The following PAIP2B variants were observed in gnomAD, a reference collection of about 807,000 sequenced individuals.
PAIP2B encodes polyadenylate-binding protein-interacting protein 2B.
In PAIP2B, 13 loss-of-function variants were observed where a neutral mutation model predicts 17.0. The observed-to-expected ratio is 0.76, with a 90% CI of 0.50 to 1.22. PAIP2B has a LOEUF of 1.22. Among genes scored for constraint, PAIP2B ranks in the 50% most tolerant of loss-of-function variants. The pLI is 0.00. For synonymous variants in PAIP2B, 43 were observed against 48.7 expected, an observed-to-expected ratio of 0.88 and a Z score of 0.48; for missense variants, 117 against 144.5, an observed-to-expected ratio of 0.81 and a Z score of 0.98.
chr2:71,196,373 G>C (rs1674818332), intron 2 of PAIP2B, among the ~76,000 whole-genome samples: 1 of 152,150 alleles, frequency 6.6e-6, no homozygotes, highest in African/African-American at 2.4e-5. Context: ...GTCCAAGAGT[G>C]TGTTTGGTAT....
intron 2 of PAIP2B, among the ~76,000 whole-genome samples, chr2:71,198,180 T>G (rs1044929823): frequency 6.6e-6 from 1 of 152,188 alleles, no homozygotes; most frequent in Admixed American, 6.5e-5. Context: ...AGTGCAGTGA[T>G]GTGATCTCAG....
chr2:71,202,069 A>G lies in PAIP2B; in HGVS notation c.138+383T>C, dbSNP rs116500705. On this transcript the variant is annotated intron_variant, in intron 2 of 3. Transcript: ENST00000244221. ...AGCCAGAACAAGGCTGAGGGCAGGG[A>G]CCCTCTGCAGTAGTTACTGTGTAAT... Among the ~76,000 whole-genome samples, 1,326 of 152,294 alleles carry G rather than the reference A, an allele frequency of 8.7e-3. 17 individuals carry two copies. Among genetic ancestry groups the G allele is most frequent in the African/African-American group, 0.03 (1,252 of 41,548 alleles).
At chr2:71,214,761 G>A (rs1675385979) in intron 1 of PAIP2B, among the ~76,000 whole-genome samples, 1 of 152,280 alleles carries the variant, frequency 6.6e-6, no homozygotes, top group East Asian at 1.9e-4. Context: ...TCGTAACAGA[G>A]AAAGCATCTT....
At position 71,190,381 on chromosome 2, in the gene PAIP2B, G is replaced by A. The variant is rs149933321; in HGVS notation, c.139-360C>T. On this transcript the variant is annotated intron_variant, in intron 2 of 3. Transcript: ENST00000244221. Reference sequence around the variant, plus strand: ...CAAGGCTTCATTGAGCCAAGACTGCGCCACTGCACTTCAGTCTGGGCGACA... The same window carrying A: ...CAAGGCTTCATTGAGCCAAGACTGCACCACTGCACTTCAGTCTGGGCGACA... 4.6e-3 allele frequency among the ~76,000 whole-genome samples: 697 copies of A among 152,158 alleles called. 8 individuals carry two copies. Among genetic ancestry groups the A allele is most frequent in the African/African-American group, 0.016 (663 of 41,526 alleles).
intron 1 of PAIP2B, among the ~76,000 whole-genome samples, chr2:71,223,030 T>G (rs1342854435): frequency 1.3e-5 from 2 of 152,230 alleles, no homozygotes; most frequent in Admixed American, 1.3e-4. Context: ...TCCCCAGAGC[T>G]CCTGACTTAG....
intron 2 of PAIP2B, among the ~76,000 whole-genome samples, chr2:71,199,207 C>G (rs1338716642): frequency 6.6e-6 from 1 of 151,924 alleles, no homozygotes; most frequent in Non-Finnish European, 1.5e-5. Flanking sequence ...ACATGTGAAC[C>G]TGTTTCCCTT....
In PAIP2B at chr2:71,186,964, C is replaced by T. The variant is rs1674558185; in HGVS notation, c.*1515G>A. ...CAGCTTTCCATACCCTAGTCCTTTC[C>T]TTCCAACCTCTGTCCCACAGCCACA... On this transcript the variant is annotated 3_prime_UTR_variant, in exon 4 of 4. Transcript: ENST00000244221. The T allele has an allele frequency of 6.6e-6, 1 of 152,296 alleles. No individual in the cohort carries two copies. Among genetic ancestry groups the T allele is most frequent in the South Asian group, 2.1e-4 (1 of 4,840 alleles). 9.4% of individuals were successfully genotyped at this position (152,296 alleles called of 1,614,324 possible). A position where few individuals can be genotyped will look rare whatever the true frequency, so the allele number is the denominator to read the frequency against.
At chr2:71,204,258 C>T (rs1304737466) in intron 1 of PAIP2B, among the ~76,000 whole-genome samples, 3 of 152,232 alleles carry the variant, frequency 2.0e-5, no homozygotes, top group Admixed American at 2.0e-4. Flanking sequence ...ATCTCTACCC[C>T]GACTCCCACC....
At position 71,221,499 on chromosome 2, in the gene PAIP2B, G is replaced by A. The variant is rs150646143; in HGVS notation, c.-12+5429C>T. Among the ~76,000 whole-genome samples, 796 of 152,178 alleles carry A rather than the reference G, an allele frequency of 5.2e-3. 4 individuals are homozygous for A. Among genetic ancestry groups the A allele is most frequent in the African/African-American group, 0.018 (761 of 41,528 alleles). ...TAGACCCTGCCCTCACAGAGCTCAC[G>A]GTCTAGTATGAAAAACAGCCATATG... On this transcript the variant is annotated intron_variant, in intron 1 of 3. Transcript: ENST00000244221.
intron 3 of PAIP2B, among the ~76,000 whole-genome samples, chr2:71,189,004 CTTTTTTT>C (rs56008115): frequency 8.2e-6 from 1 of 122,192 alleles, no homozygotes; most frequent in Non-Finnish European, 1.7e-5. Context: ...TGCTCACAGA[CTTTTTTT>C]TTTTTTTTTT....
At chr2:71,221,179 T>C (rs1227798373) in intron 1 of PAIP2B, among the ~76,000 whole-genome samples, 3 of 152,386 alleles carry the variant, frequency 2.0e-5, no homozygotes, top group East Asian at 3.9e-4. Context: ...AATTGTGACA[T>C]GCCCTCTGGC....
At chr2:71,215,329 C>T (rs1675400990) in intron 1 of PAIP2B, among the ~76,000 whole-genome samples, 1 of 152,104 alleles carries the variant, frequency 6.6e-6, no homozygotes. Flanking sequence ...AGACTCCCCC[C>T]AGCCTCCCAA....
intron 1 of PAIP2B, among the ~76,000 whole-genome samples, 193 bp downstream of exon 1, chr2:71,226,735 G>A (rs1278016423): frequency 2.0e-5 from 3 of 152,146 alleles, no homozygotes; most frequent in African/African-American, 4.8e-5. Context: ...TGACCCCAGC[G>A]GACGCCCCTT....
rs1309947482 is a variant in PAIP2B at position 71,191,224 on chromosome 2, C to A, written c.139-1203G>T. Among the ~76,000 whole-genome samples the A allele has an allele frequency of 3.9e-5, 6 of 152,268 alleles. No individual in the cohort carries two copies. In the South Asian group the frequency reaches 8.3e-4, roughly 21 times the overall value. On this transcript the variant is annotated intron_variant, in intron 2 of 3. Coordinates refer to ENST00000244221, the MANE Select transcript of PAIP2B (RefSeq NM_020459.1). ...TTTCCCAAATTGGAATATACAGTTA[C>A]CTAATTAATTCAGAGGAAAAGTTAC... is the stretch of plus-strand genomic sequence containing the variant.
rs399251 is a variant in PAIP2B, at chr2:71,184,199, C to T, written c.*4280G>A. ...TAGGAAGGTAAGATTGGGGAGAAAG[C>T]TCAGTAAATGTCACAAAAGAGACTC... On this transcript the variant is annotated 3_prime_UTR_variant, in exon 4 of 4. Transcript: ENST00000244221. The T allele has an allele frequency of 6.6e-6, 1 of 152,100 alleles. No homozygotes were observed. Among genetic ancestry groups the T allele is most frequent in the South Asian group, 2.1e-4 (1 of 4,826 alleles). 9.4% of individuals were successfully genotyped at this position (152,100 alleles called of 1,614,324 possible). A position where few individuals can be genotyped will look rare whatever the true frequency, so the allele number is the denominator to read the frequency against.
rs1369403342 is a variant in PAIP2B, at chr2:71,187,647, A to G, written c.*832T>C. 2.0e-5 allele frequency: 3 copies of G among 152,182 alleles called. No homozygotes were observed. The highest frequency in any genetic ancestry group is 6.5e-5 in the Admixed American group (1 of 15,278). 9.4% of individuals were successfully genotyped at this position (152,182 alleles called of 1,614,324 possible). On this transcript the variant is annotated 3_prime_UTR_variant, in exon 4 of 4. Coordinates refer to ENST00000244221, the MANE Select transcript of PAIP2B (RefSeq NM_020459.1). The stretch of plus-strand genomic sequence containing the variant: ...ATTGCCAGCACAGCAGGCCTCCCCT[A>G]TGCCTTTGGTAGCAGTATCTTTTCT...
intron 2 of PAIP2B, among the ~76,000 whole-genome samples, chr2:71,194,257 T>C (rs945573081): frequency 1.3e-5 from 2 of 152,222 alleles, no homozygotes; most frequent in Non-Finnish European, 2.9e-5. Context: ...TTGTGAAGAA[T>C]GTCATTGGTA....
In PAIP2B at chr2:71,188,239, T is replaced by G; in HGVS notation, c.*240A>C. ...AATTTCCTTAACTCGAAAGAGCTAT[T>G]TAAAAAAACAAAACAGGAAACTCCC... On this transcript the variant is annotated 3_prime_UTR_variant, in exon 4 of 4. Transcript: ENST00000244221. The G allele has an allele frequency of 1.9e-6, 1 of 516,382 alleles. No homozygotes were observed. The highest frequency in any genetic ancestry group is 3.4e-6 in the Non-Finnish European group (1 of 293,176). The allele number at this position is 516,382 out of a possible 1,614,324, so 32.0% of individuals were successfully genotyped here.
Position 71,186,929 on chromosome 2 carries a change from A to G in PAIP2B, c.*1550T>C, listed in dbSNP as rs1409703687. Reference sequence around the variant, plus strand: ...AAAAAGTCAACGAGAGCTCATAAGGAGAATTTCTTCAGCTTTCCATACCCT... The same window carrying G: ...AAAAAGTCAACGAGAGCTCATAAGGGGAATTTCTTCAGCTTTCCATACCCT... On this transcript the variant is annotated 3_prime_UTR_variant, in exon 4 of 4. Transcript: ENST00000244221. 1.3e-5 allele frequency: 2 copies of G among 152,248 alleles called. No individual in the cohort carries two copies. Among genetic ancestry groups the G allele is most frequent in the African/African-American group, 4.8e-5 (2 of 41,456 alleles). 9.4% of individuals were successfully genotyped at this position (152,248 alleles called of 1,614,324 possible). A position where few individuals can be genotyped will look rare whatever the true frequency, so the allele number is the denominator to read the frequency against.
Sources: allele counts gnomAD v4.1 joint callset (sites outside exome capture counted in the v4.1 genomes callset), GRCh38; gene constraint gnomAD v4.1.1; transcripts MANE v1.5; gene names NCBI Gene and HGNC (gene_info 2026-07-23, HGNC 2026-07-21).